PTBP2: variants seen among roughly 807,000 people sequenced by gnomAD.
The protein encoded by PTBP2 is polypyrimidine tract-binding protein 2.
A neutral mutation model predicts 61.4 loss-of-function variants in PTBP2; 13 were observed. That is an observed-to-expected ratio of 0.21 (90% CI 0.14 to 0.34). The LOEUF (loss-of-function observed/expected upper bound fraction) is 0.34, where lower values mean the gene tolerates loss of function less well. Ranked by LOEUF, PTBP2 falls within the 10% of genes least tolerant of loss-of-function variation. The pLI, the probability that PTBP2 is intolerant of heterozygous loss-of-function variation, is 1.00. For missense variants in PTBP2, 405 were observed against 642.6 expected, an observed-to-expected ratio of 0.63 and a Z score of 4.00; for synonymous variants, 215 against 218.5, an observed-to-expected ratio of 0.98 and a Z score of 0.14.
chr1:96,761,659 A>C (rs2100966972), intron 3 of PTBP2, among the ~76,000 whole-genome samples: 1 of 152,290 alleles, frequency 6.6e-6, no homozygotes, highest in Non-Finnish European at 1.5e-5. Context: ...CCATTAACAA[A>C]GGGGGAAAAG....
chr1:96,769,795 G>A lies in PTBP2; in HGVS notation c.208G>A (p.Val70Ile), dbSNP rs761851890. The A allele has an allele frequency of 6.2e-7, 1 of 1,612,234 alleles. No individual in the cohort carries two copies. ...TCATATTCGAAAATTACCTGGGGAA[G>A]TAACAGAAACTGAAGTTATTGCTTT... is the stretch of plus-strand genomic sequence containing the variant. The part of the protein sequence containing the change: ...VLHIRKLPGE[V>I]TETEVIALGL... The change falls in exon 4 of 14, where the codon GTA (valine) becomes ATA (isoleucine). Residue 70 changes from valine (V) to isoleucine (I), a missense_variant. By Grantham distance (29) the Val-to-Ile change is conservative. Around this residue, in one of 4 missense-constraint regions of PTBP2, gnomAD observed 342 missense variants for 491.2 expected, o/e 0.70. Coordinates refer to ENST00000674951, the MANE Select transcript of PTBP2 (RefSeq NM_021190.4).
downstream of PTBP2, chr1:96,819,340 G>T (rs1198454842): frequency 1.3e-5 from 2 of 151,744 alleles, no homozygotes; most frequent in Admixed American, 6.6e-5. Context: ...TGCCTTCAGG[G>T]GCTATTCCCC....
intron 8 of PTBP2, among the ~76,000 whole-genome samples, chr1:96,797,110 A>G (rs1024188630): frequency 1.3e-5 from 2 of 152,156 alleles, no homozygotes; most frequent in South Asian, 2.1e-4. Flanking sequence ...CAGTAATCCA[A>G]TGGCTATTTT....
intron 2 of PTBP2, among the ~76,000 whole-genome samples, 167 bp downstream of exon 2, chr1:96,723,761 A>T (rs956302260): frequency 6.6e-6 from 1 of 152,204 alleles, no homozygotes; most frequent in Non-Finnish European, 1.5e-5. Context: ...TGTAATCACC[A>T]TAAGTTTTTC....
At chr1:96,763,254 C>G (rs888359442) in intron 3 of PTBP2, among the ~76,000 whole-genome samples, 2 of 152,058 alleles carry the variant, frequency 1.3e-5, no homozygotes, top group Non-Finnish European at 2.9e-5. Flanking sequence ...TGTAACGAGC[C>G]GAGATCACGC....
At chr1:96,774,369 C>T (rs1336578741) in intron 5 of PTBP2, among the ~76,000 whole-genome samples, 1 of 152,154 alleles carries the variant, frequency 6.6e-6, no homozygotes, top group East Asian at 1.9e-4. Context: ...CACTGTGTCT[C>T]CAGTCCATTT....
At chr1:96,729,323 A>T (rs1023949601) in intron 2 of PTBP2, among the ~76,000 whole-genome samples, 2 of 152,152 alleles carry the variant, frequency 1.3e-5, no homozygotes, top group African/African-American at 4.8e-5. Context: ...CCCCCAGCCT[A>T]TGCCATTAAA....
chr1:96,805,023 C>T (rs934389353), intron 9 of PTBP2, 84 bp downstream of exon 9: 4 of 1,178,768 alleles, frequency 3.4e-6, no homozygotes, highest in East Asian at 2.6e-5. Flanking sequence ...TTTGCACTTG[C>T]CTTTCTTTTT....
chr1:96,723,785 C>T lies in PTBP2; in HGVS notation c.39+191C>T, dbSNP rs372912621. Among the ~76,000 whole-genome samples the T allele has an allele frequency of 2.0e-5, 3 of 152,236 alleles. No individual in the cohort carries two copies. In the East Asian group the frequency reaches 5.8e-4, roughly 29 times the overall value. On this transcript the variant is annotated intron_variant, in intron 2 of 13. Coordinates refer to ENST00000674951, the MANE Select transcript of PTBP2 (RefSeq NM_021190.4). ...CATAAGTTTTTCTAGAACTGTCAGT[C>T]TGTAAGAATAACCTTTTAAAGTAAG...
At chr1:96,780,420 C>T (rs1029962885) in intron 7 of PTBP2, among the ~76,000 whole-genome samples, 2 of 152,034 alleles carry the variant, frequency 1.3e-5, no homozygotes, top group Admixed American at 1.3e-4. Flanking sequence ...TGTTTATTAT[C>T]TCATTTCTCT....
Position 96,804,799 on chromosome 1 carries a change from G to A in PTBP2, c.905-1G>A. ...TTTAAAATTAGGGCTTCCTGTTGCAGCTGTTCCAGGAGCTCTGAGTCCTTT... is the reference window on the plus strand; with the variant it reads ...TTTAAAATTAGGGCTTCCTGTTGCAACTGTTCCAGGAGCTCTGAGTCCTTT... On this transcript the variant is annotated splice_acceptor_variant, in intron 8 of 13. Transcript: ENST00000674951. LOFTEE classifies it high-confidence loss of function. 1 of 1,592,474 alleles carries A rather than the reference G, an allele frequency of 6.3e-7. No individual in the cohort carries two copies. The highest frequency in any genetic ancestry group is 8.5e-7 in the Non-Finnish European group (1 of 1,170,710).
At chr1:96,777,093 TGTA>T (rs1364894948) in intron 5 of PTBP2, among the ~76,000 whole-genome samples, 1 of 152,078 alleles carries the variant, frequency 6.6e-6, no homozygotes, top group African/African-American at 2.4e-5. Context: ...AGAAGTTAAG[TGTA>T]GTATGAAAAA....
chr1:96,785,312 A>T, intron 8 of PTBP2, 58 bp downstream of exon 8: 2 of 1,342,746 alleles, frequency 1.5e-6, no homozygotes. Context: ...GAAAAGTACC[A>T]GTAAGTATAA....
intron 8 of PTBP2, among the ~76,000 whole-genome samples, chr1:96,793,921 A>G (rs1010866308): frequency 1.3e-5 from 2 of 152,194 alleles, no homozygotes; most frequent in Non-Finnish European, 2.9e-5. Flanking sequence ...TCATGTTTAC[A>G]TACTGACCAG....
chr1:96,778,018 TG>T (rs1658223623), intron 7 of PTBP2, 72 bp downstream of exon 7: 1 of 686,172 alleles, frequency 1.5e-6, no homozygotes, highest in Admixed American at 3.2e-5. Flanking sequence ...TATATATGTA[TG>T]TATACTTAAT....
intron 4 of PTBP2, 22 bp from the exon 5 acceptor site, chr1:96,770,686 A>G (rs377002390): frequency 1.6e-5 from 26 of 1,592,392 alleles, no homozygotes; most frequent in East Asian, 1.6e-4. Context: ...AGTATTAAAA[A>G]TTGTGCTACT....
chr1:96,767,544 A>G (rs2100999859), intron 3 of PTBP2, among the ~76,000 whole-genome samples: 1 of 152,264 alleles, frequency 6.6e-6, no homozygotes, highest in Non-Finnish European at 1.5e-5. Flanking sequence ...GAACAAGAAC[A>G]AATTATCAAG....
At chr1:96,755,949 A>G (rs1655107114) in intron 3 of PTBP2, among the ~76,000 whole-genome samples, 1 of 152,180 alleles carries the variant, frequency 6.6e-6, no homozygotes, top group South Asian at 2.1e-4. Context: ...CAAATTTTAT[A>G]ATTTAAATAC....
Position 96,814,923 on chromosome 1 carries a change from CTCT to C in PTBP2, c.*1523_*1525del, listed in dbSNP as rs899336045. 3 of 152,516 alleles carry C rather than the reference CTCT, an allele frequency of 2.0e-5. No individual in the cohort carries two copies. The highest frequency in any genetic ancestry group is 2.9e-5 in the Non-Finnish European group (2 of 68,066). 9.4% of individuals were successfully genotyped at this position (152,516 alleles called of 1,614,324 possible). On this transcript the variant is annotated 3_prime_UTR_variant, in exon 14 of 14. Coordinates refer to ENST00000674951, the MANE Select transcript of PTBP2 (RefSeq NM_021190.4). ...CTTTCTCTGCTGCCTTTTCTCTCTCCTCTTCTTTGTTTTCACTCCACTGTGCTT... is the reference window on the plus strand; with the variant it reads ...CTTTCTCTGCTGCCTTTTCTCTCTCCTCTTTGTTTTCACTCCACTGTGCTT...
Sources: gnomAD v4.1 joint callset for allele counts (sites outside exome capture counted in the v4.1 genomes callset) on GRCh38, gnomAD v4.1.1 for gene constraint, gnomAD v4.1.1 regional missense constraint, MANE v1.5 for transcripts, NCBI Gene and HGNC (gene_info 2026-07-23, HGNC 2026-07-21) for gene names.